The following ASIC2 variants were observed in gnomAD, a reference collection of about 807,000 sequenced individuals.
The protein encoded by ASIC2 is acid-sensing ion channel 2.
In ASIC2, 25 loss-of-function variants were observed where a neutral mutation model predicts 57.3. The ratio of observed to expected loss-of-function variants is 0.44; its 90% CI spans 0.32 to 0.61. The LOEUF (loss-of-function observed/expected upper bound fraction) is 0.61. ASIC2 is among the 20% of genes least tolerant of loss of function. The probability of loss-of-function intolerance (pLI) is 0.06; values close to 1 mark genes in which losing one functional copy is unlikely to be tolerated. For synonymous variants in ASIC2, 319 were observed against 307.5 expected (o/e 1.04, Z -0.39); for missense variants, 641 against 738.1 (o/e 0.87, Z 1.52).
At chr17:33,651,614 G>A (rs1265440354) in intron 1 of ASIC2, among the ~76,000 whole-genome samples, 1 of 152,192 alleles carries the variant, frequency 6.6e-6, no homozygotes, top group Non-Finnish European at 1.5e-5. Context: ...TGGAGAGCAA[G>A]GGTTTGAATT....
chr17:34,018,582 G>A (rs1907047577), intron 1 of ASIC2, among the ~76,000 whole-genome samples: 1 of 152,174 alleles, frequency 6.6e-6, no homozygotes, highest in African/African-American at 2.4e-5. Context: ...CACCATTCTA[G>A]ATATAATTAA....
chr17:33,490,650 G>A (rs776447177), intron 1 of ASIC2, among the ~76,000 whole-genome samples: 22 of 152,122 alleles, frequency 1.4e-4, no homozygotes, highest in South Asian at 2.1e-4. Context: ...CTTCTCTTTT[G>A]CCTTCCGCCC....
chr17:33,847,580 T>A (rs982946825), intron 1 of ASIC2, among the ~76,000 whole-genome samples: 1 of 152,204 alleles, frequency 6.6e-6, no homozygotes, highest in African/African-American at 2.4e-5. Flanking sequence ...CCAGACAGGA[T>A]ACTACTGTGC....
chr17:34,051,075 C>G (rs1567801562), intron 1 of ASIC2, among the ~76,000 whole-genome samples: 1 of 152,302 alleles, frequency 6.6e-6, no homozygotes, highest in East Asian at 1.9e-4. Context: ...CAATTGCTTT[C>G]CTGCAACTCT....
intron 1 of ASIC2, among the ~76,000 whole-genome samples, chr17:33,889,236 C>T (rs1007003055): frequency 6.6e-6 from 1 of 152,116 alleles, no homozygotes; most frequent in African/African-American, 2.4e-5. Context: ...TTCAACCCCC[C>T]CTCGTTTTTC....
chr17:33,555,756 G>T (rs1482210577), intron 1 of ASIC2, among the ~76,000 whole-genome samples: 2 of 152,122 alleles, frequency 1.3e-5, no homozygotes, highest in African/African-American at 4.8e-5. Flanking sequence ...CAGCAGTCAG[G>T]AATTCAAAGC....
intron 1 of ASIC2, among the ~76,000 whole-genome samples, chr17:33,117,311 G>T (rs1272750210): frequency 1.3e-5 from 2 of 151,984 alleles, no homozygotes; most frequent in Non-Finnish European, 2.9e-5. Context: ...TAGTAGCTGG[G>T]ATTACGGGCA....
At chr17:33,685,603 T>C (rs1908160474) in intron 1 of ASIC2, among the ~76,000 whole-genome samples, 1 of 152,216 alleles carries the variant, frequency 6.6e-6, no homozygotes, top group Non-Finnish European at 1.5e-5. Flanking sequence ...GGAATGGGCC[T>C]AGCCAACCTG....
At chr17:33,786,026 G>A (rs1285470888) in intron 1 of ASIC2, among the ~76,000 whole-genome samples, 1 of 152,198 alleles carries the variant, frequency 6.6e-6, no homozygotes, top group African/African-American at 2.4e-5. Context: ...GAGTCTCAGG[G>A]AGAGTTTAAG....
chr17:33,018,409 G>A (rs763790499), intron 7 of ASIC2, among the ~76,000 whole-genome samples: 1 of 152,232 alleles, frequency 6.6e-6, no homozygotes, highest in Non-Finnish European at 1.5e-5. Flanking sequence ...TCCCGCTGGG[G>A]GTAAGGTGCA....
At chr17:33,867,732 A>G (rs1014111067) in intron 1 of ASIC2, among the ~76,000 whole-genome samples, 1 of 152,182 alleles carries the variant, frequency 6.6e-6, no homozygotes, top group African/African-American at 2.4e-5. Context: ...CTGCTCTGGC[A>G]ACTGCTTGAG....
intron 1 of ASIC2, among the ~76,000 whole-genome samples, chr17:33,357,675 G>T (rs1908440275): frequency 1.3e-5 from 2 of 152,142 alleles, no homozygotes; most frequent in South Asian, 4.1e-4. Flanking sequence ...ATGCTCGATG[G>T]AATGTCAAAT....
chr17:33,812,604 G>T (rs1193409320), intron 1 of ASIC2, among the ~76,000 whole-genome samples: 1 of 152,160 alleles, frequency 6.6e-6, no homozygotes. Context: ...TGGATCCTGG[G>T]CAGAGAGGAC....
intron 1 of ASIC2, among the ~76,000 whole-genome samples, chr17:33,990,797 T>G (rs921977561): frequency 8.5e-5 from 13 of 152,114 alleles, no homozygotes; most frequent in African/African-American, 2.4e-4. Context: ...CCTAGAGGAT[T>G]TGGAGAGGAA....
chr17:33,846,606 G>A (rs577527786), intron 1 of ASIC2, among the ~76,000 whole-genome samples: 1 of 152,152 alleles, frequency 6.6e-6, no homozygotes, highest in African/African-American at 2.4e-5. Flanking sequence ...TTTCCAATCT[G>A]ACTCCTTTCA....
chr17:33,928,406 C>T (rs560245731), intron 1 of ASIC2, among the ~76,000 whole-genome samples: 32 of 152,174 alleles, frequency 2.1e-4, no homozygotes, highest in Non-Finnish European at 4.7e-4. Flanking sequence ...TTGTGGTTCC[C>T]ACCCTTTGTG....
At chr17:34,039,883 G>T (rs1448381629) in intron 1 of ASIC2, 3 of 1,587,958 alleles carry the variant, frequency 1.9e-6, no homozygotes. Context: ...TTCTACTGCC[G>T]CCGCCGCCGC....
At chr17:33,504,923 A>G (rs1428126304) in intron 1 of ASIC2, among the ~76,000 whole-genome samples, 1 of 152,018 alleles carries the variant, frequency 6.6e-6, no homozygotes, top group Non-Finnish European at 1.5e-5. Context: ...GTGTGGGGCT[A>G]TGGGGGTGAG....
chr17:33,575,148 G>A (rs1263962069), intron 1 of ASIC2, among the ~76,000 whole-genome samples: 1 of 152,160 alleles, frequency 6.6e-6, no homozygotes, highest in Non-Finnish European at 1.5e-5. Flanking sequence ...AAATGTTCCA[G>A]CCCATTCTAC....
Sources: gnomAD v4.1 joint callset for allele counts (sites outside exome capture counted in the v4.1 genomes callset) on GRCh38, gnomAD v4.1.1 for gene constraint, MANE v1.5 for transcripts, NCBI Gene and HGNC (gene_info 2026-07-23, HGNC 2026-07-21) for gene names.